JAKMIP3: variants seen among roughly 807,000 people sequenced by gnomAD.
JAKMIP3 encodes Janus kinase and microtubule interacting protein 3.
Under a neutral mutation model 118.5 loss-of-function variants are expected in JAKMIP3, and 58 were observed. The observed-to-expected ratio is 0.49, with a 90% CI of 0.40 to 0.61. The LOEUF (loss-of-function observed/expected upper bound fraction) is 0.61, where lower values mean the gene tolerates loss of function less well. JAKMIP3 is among the 20% of genes least tolerant of loss of function. The pLI is 0.00. For missense variants in JAKMIP3, 950 were observed against 1,109.0 expected, an observed-to-expected ratio of 0.86 and a Z score of 2.04; for synonymous variants, 486 against 451.2, an observed-to-expected ratio of 1.08 and a Z score of -0.98.
chr10:132,061,292 G>A (rs2038391333), upstream of JAKMIP3, among the ~76,000 whole-genome samples: 1 of 151,630 alleles, frequency 6.6e-6, no homozygotes, highest in African/African-American at 2.4e-5. Flanking sequence ...TGCCGTGACG[G>A]CACACACACA....
chr10:132,126,705 G>A (rs140795652), intron 3 of JAKMIP3, among the ~76,000 whole-genome samples: 122 of 152,210 alleles, frequency 8.0e-4, no homozygotes, highest in Admixed American at 1.5e-3. Flanking sequence ...GAATGGTTAT[G>A]GAATTCTGTC....
intron 1 of JAKMIP3, among the ~76,000 whole-genome samples, chr10:132,056,098 T>G (rs1179528108): frequency 1.3e-5 from 2 of 152,288 alleles, no homozygotes; most frequent in East Asian, 3.9e-4. Flanking sequence ...AGTTTGTGTT[T>G]GTCTTTTTAA....
At chr10:132,115,874 G>T (rs186193950) in intron 2 of JAKMIP3, among the ~76,000 whole-genome samples, 1 of 152,262 alleles carries the variant, frequency 6.6e-6, no homozygotes, top group African/African-American at 2.4e-5. Context: ...CACTGGAGCC[G>T]TGAATATTTG....
chr10:132,156,911 A>G (rs1239270744), intron 19 of JAKMIP3, among the ~76,000 whole-genome samples: 1 of 152,204 alleles, frequency 6.6e-6, no homozygotes. Flanking sequence ...ATCAATGTAT[A>G]GTTCTGATTT....
At chr10:132,068,718 A>G (rs2133939375) in intron 1 of JAKMIP3, among the ~76,000 whole-genome samples, 1 of 152,250 alleles carries the variant, frequency 6.6e-6, no homozygotes, top group East Asian at 1.9e-4. Context: ...GGCCATGCTT[A>G]CTTTCCTTTG....
intron 19 of JAKMIP3, among the ~76,000 whole-genome samples, chr10:132,159,760 G>T (rs1208191261): frequency 2.6e-5 from 1 of 38,058 alleles, no homozygotes; most frequent in Non-Finnish European, 4.2e-5. Flanking sequence ...GCCTCTTCCT[G>T]TGTGATACTG....
At position 132,149,407 on chromosome 10, in the gene JAKMIP3, C is replaced by A; in HGVS notation, c.1849-5C>A. The A allele has an allele frequency of 6.3e-7, 1 of 1,582,340 alleles. No homozygotes were observed. The highest frequency in any genetic ancestry group is 1.7e-5 in the Admixed American group (1 of 58,194). On this transcript the variant is annotated splice_polypyrimidine_tract_variant and splice_region_variant and intron_variant, in intron 14 of 23. Coordinates refer to ENST00000684848, the MANE Select transcript of JAKMIP3 (RefSeq NM_001323087.2). The stretch of plus-strand genomic sequence containing the variant: ...GCGGCTCACCCTTCTGTCCCTCTGT[C>A]CTAGGAGAGGGAGAGGAAGTCACCC...
At chr10:132,164,357 C>T (rs532627691) in intron 20 of JAKMIP3, among the ~76,000 whole-genome samples, 23 of 152,366 alleles carry the variant, frequency 1.5e-4, no homozygotes, top group African/African-American at 5.0e-4. Flanking sequence ...TACTCCGCTG[C>T]GGTGGCATCT....
chr10:132,170,496 C>T (rs141296190), intron 23 of JAKMIP3, among the ~76,000 whole-genome samples: 1,978 of 152,242 alleles, frequency 0.013, 142 homozygotes, highest in Admixed American at 0.12. Context: ...GAGGGGACGC[C>T]GGGTCAGGAG....
chr10:132,137,506 A>G (rs563199963), intron 8 of JAKMIP3, among the ~76,000 whole-genome samples: 2 of 152,224 alleles, frequency 1.3e-5, no homozygotes, highest in Non-Finnish European at 2.9e-5. Flanking sequence ...ACACCCACTG[A>G]TGCCCCAGTT....
At position 132,133,458 on chromosome 10, in the gene JAKMIP3, G is replaced by A. The variant is rs763964172; in HGVS notation, c.780G>A (p.Pro260=). The A allele has an allele frequency of 2.1e-5, 34 of 1,585,978 alleles. No homozygotes were observed. Among genetic ancestry groups the A allele is most frequent in the Admixed American group, 3.6e-5 (2 of 55,712 alleles). ...AGGTCCGAGAGGCCGACCGGCACCC[G>A]GGCAGCCCCAGACGGGAACTTCCTC... ...LSQVREADRH[P]GSPRRELPHA... Residue 260 remains proline (P), a synonymous_variant, in exon 4 of 24, where the codon CCG becomes CCA. Coordinates refer to ENST00000684848, the MANE Select transcript of JAKMIP3 (RefSeq NM_001323087.2).
rs188032292 is a variant in JAKMIP3, at chr10:132,153,783, G to A, written c.2098G>A (p.Glu700Lys). The A allele has an allele frequency of 9.9e-6, 16 of 1,613,102 alleles. No individual in the cohort carries two copies. The Admixed American group carries it at 2.7e-4, about 27-fold the overall frequency. Residue 700 changes from glutamate (E) to lysine (K), a missense_variant, in exon 18 of 24, where the codon GAG becomes AAG. By Grantham distance (56) the Glu-to-Lys change is moderately conservative. Coordinates refer to ENST00000684848, the MANE Select transcript of JAKMIP3 (RefSeq NM_001323087.2). ...EKWLQQIEET[E>K]AALQRKMVDL... is the part of the protein sequence containing the mutation. ...GTGGCTCCAGCAGATTGAGGAGACA[G>A]AGGCGGCGCTGCAGCGGAAGATGGT...
At position 132,116,421 on chromosome 10, in the gene JAKMIP3, G is replaced by A. The variant is rs2047667661; in HGVS notation, c.136-656G>A. ...CCCCCGAATACACATTCAGGTGTGA[G>A]TGTGTGCAACGTGGAAGCTCCCCCC... On this transcript the variant is annotated intron_variant, in intron 2 of 23. Transcript: ENST00000684848. Among the ~76,000 whole-genome samples the A allele has an allele frequency of 2.7e-5, 4 of 149,048 alleles. No individual in the cohort carries two copies. The South Asian group carries it at 8.6e-4, about 32-fold the overall frequency.
intron 1 of JAKMIP3, among the ~76,000 whole-genome samples, chr10:132,080,407 A>G (rs2041575129): frequency 7.0e-6 from 1 of 143,358 alleles, no homozygotes; most frequent in Admixed American, 7.2e-5. Flanking sequence ...TTATGTGCTT[A>G]TTGGCCATTT....
rs201838731 is a variant in JAKMIP3 at position 132,080,503 on chromosome 10, A to ATTTTTTTT, written c.-138+14471_-138+14478dup. 4.5e-4 allele frequency among the ~76,000 whole-genome samples: 28 copies of ATTTTTTTT among 61,578 alleles called. 6 individuals are homozygous for ATTTTTTTT. The highest frequency in any genetic ancestry group is 1.5e-3 in the African/African-American group (22 of 14,266). 40.4% of individuals were successfully genotyped at this position (61,578 alleles called of 152,430 possible). A position where few individuals can be genotyped will look rare whatever the true frequency, so the allele number is the denominator to read the frequency against. ...TATTTTCTTGCTGTCAAGTTATAGG[A>ATTTTTTTT]TTTTTTTTTTTTTTTTTTTTTTTTT... is the stretch of plus-strand genomic sequence containing the variant. On this transcript the variant is annotated intron_variant, in intron 1 of 23. Coordinates refer to ENST00000684848, the MANE Select transcript of JAKMIP3 (RefSeq NM_001323087.2).
intron 6 of JAKMIP3, 144 bp from the exon 7 acceptor site, chr10:132,136,875 G>C (rs2051893120): frequency 3.6e-6 from 3 of 834,072 alleles, no homozygotes; most frequent in Non-Finnish European, 3.7e-6. Flanking sequence ...CAGCTGGGCT[G>C]TTCTGAGGCC....
At position 132,180,628 on chromosome 10, in the gene JAKMIP3, TGTGTGCGTGCGTGTGTGCGTGTGC is replaced by T. The variant is rs1293381010; in HGVS notation, c.*1104-1719_*1104-1696del. Reference sequence around the variant, plus strand: ...GCGTGTGTGTGTGCGTGTGTGTGCGTGTGTGCGTGCGTGTGTGCGTGTGCGTGTGCGTGTGTGCGTGTGTGTGCG... The same window carrying T: ...GCGTGTGTGTGTGCGTGTGTGTGCGTGTGTGCGTGTGTGCGTGTGTGTGCG... On this transcript the variant is annotated intron_variant, in intron 23 of 23. Transcript: ENST00000684848. Among the ~76,000 whole-genome samples the T allele has an allele frequency of 6.1e-5, 2 of 32,724 alleles. 1 individual carries two copies. The highest frequency in any genetic ancestry group is 1.0e-4 in the Non-Finnish European group (2 of 19,250). 21.5% of individuals were successfully genotyped at this position (32,724 alleles called of 152,430 possible). A position where few individuals can be genotyped will look rare whatever the true frequency, so the allele number is the denominator to read the frequency against.
chr10:132,108,950 A>G (rs1351953878), intron 2 of JAKMIP3, among the ~76,000 whole-genome samples: 1 of 149,480 alleles, frequency 6.7e-6, no homozygotes, highest in Non-Finnish European at 1.5e-5. Context: ...TATAAATTAT[A>G]TACGCAAATG....
intron 9 of JAKMIP3, 113 bp downstream of exon 9, chr10:132,138,291 C>A: frequency 1.2e-6 from 1 of 800,630 alleles, no homozygotes; most frequent in Non-Finnish European, 1.9e-6. Context: ...CGCCGGTGTA[C>A]GTGGAGGGCG....
Sources: gnomAD v4.1 joint callset for allele counts (sites outside exome capture counted in the v4.1 genomes callset) on GRCh38, gnomAD v4.1.1 for gene constraint, MANE v1.5 for transcripts, NCBI Gene and HGNC (gene_info 2026-07-23, HGNC 2026-07-21) for gene names.